The following SPIDR variants were observed in gnomAD, a reference collection of about 807,000 sequenced individuals.
The protein encoded by SPIDR is scaffold protein involved in DNA repair.
A neutral mutation model predicts 104.6 loss-of-function variants in SPIDR; 93 were observed. That is an observed-to-expected ratio of 0.89 (90% CI 0.75 to 1.06). The LOEUF (loss-of-function observed/expected upper bound fraction) is 1.06, where lower values mean the gene tolerates loss of function less well. Ranked by LOEUF, SPIDR falls within the 50% of genes least tolerant of loss-of-function variation. The pLI, the probability that SPIDR is intolerant of heterozygous loss-of-function variation, is 0.00. For synonymous variants in SPIDR, 431 were observed against 416.9 expected (o/e 1.03, Z -0.41); for missense variants, 1,154 against 1,111.2 (o/e 1.04, Z -0.55).
intron 5 of SPIDR, among the ~76,000 whole-genome samples, chr8:47,365,748 T>C (rs1554634068): frequency 6.6e-6 from 1 of 152,180 alleles, no homozygotes; most frequent in Non-Finnish European, 1.5e-5. Flanking sequence ...TGTTAATTCA[T>C]TCATGCAGAG....
intron 8 of SPIDR, among the ~76,000 whole-genome samples, chr8:47,442,652 T>C (rs2069665849): frequency 6.6e-6 from 1 of 152,250 alleles, no homozygotes; most frequent in African/African-American, 2.4e-5. Context: ...TTTTACTCCC[T>C]TGTGGAATTT....
intron 11 of SPIDR, among the ~76,000 whole-genome samples, chr8:47,674,545 A>G (rs2076185594): frequency 6.6e-6 from 1 of 152,156 alleles, no homozygotes; most frequent in African/African-American, 2.4e-5. Context: ...ATCCAGTCAT[A>G]CAGTGAATTG....
chr8:47,609,775 A>T (rs777474356), intron 10 of SPIDR, among the ~76,000 whole-genome samples: 5 of 152,170 alleles, frequency 3.3e-5, no homozygotes, highest in Non-Finnish European at 7.3e-5. Context: ...CATTTGACCC[A>T]TGTTATCATT....
chr8:47,592,676 G>A (rs1268234204), intron 8 of SPIDR: 3 of 749,702 alleles, frequency 4.0e-6, no homozygotes, highest in Non-Finnish European at 6.7e-6. Flanking sequence ...ACGAGTAGAA[G>A]TCCTCCCTCC....
Position 47,442,895 on chromosome 8 carries a change from T to C in SPIDR, c.1097+2353T>C, listed in dbSNP as rs1212523459. ...GATTATAGGCCTGAGCCACCAGGCC[T>C]GTTCCCTTCTCAACTTCTCATTTTT... On this transcript the variant is annotated intron_variant, in intron 8 of 19. Transcript: ENST00000297423. 2.0e-5 allele frequency among the ~76,000 whole-genome samples: 3 copies of C among 152,196 alleles called. No individual in the cohort carries two copies. The East Asian group carries it at 5.8e-4, about 29-fold the overall frequency.
At chr8:47,716,026 A>G (rs1467096599) in intron 16 of SPIDR, among the ~76,000 whole-genome samples, 1 of 141,134 alleles carries the variant, frequency 7.1e-6, no homozygotes, top group Non-Finnish European at 1.5e-5. Flanking sequence ...GTGCAATGGC[A>G]TGATCTCAGC....
At chr8:47,431,536 G>T (rs1033392541) in intron 7 of SPIDR, among the ~76,000 whole-genome samples, 1 of 152,190 alleles carries the variant, frequency 6.6e-6, no homozygotes, top group Admixed American at 6.5e-5. Context: ...ACAGCGACAT[G>T]CCTAGTGGGA....
intron 10 of SPIDR, among the ~76,000 whole-genome samples, chr8:47,662,206 G>A (rs569029542): frequency 2.7e-4 from 41 of 152,284 alleles, no homozygotes; most frequent in African/African-American, 9.4e-4. Flanking sequence ...AGCCAAAGAG[G>A]CAAAGAGGGT....
intron 8 of SPIDR, among the ~76,000 whole-genome samples, chr8:47,498,623 A>G (rs905577442): frequency 6.6e-6 from 1 of 152,122 alleles, no homozygotes; most frequent in African/African-American, 2.4e-5. Context: ...TATATCCTAG[A>G]TACTCTGTGC....
chr8:47,273,714 C>G (rs1232558664), intron 1 of SPIDR, among the ~76,000 whole-genome samples: 1 of 152,084 alleles, frequency 6.6e-6, no homozygotes, highest in African/African-American at 2.4e-5. Flanking sequence ...CTACCGCAGC[C>G]TCCTGAGCAG....
At chr8:47,423,856 C>A (rs143189731) in intron 7 of SPIDR, among the ~76,000 whole-genome samples, 1 of 152,106 alleles carries the variant, frequency 6.6e-6, no homozygotes, top group Non-Finnish European at 1.5e-5. Flanking sequence ...TTTATCTTCA[C>A]GAATCATTGT....
intron 10 of SPIDR, among the ~76,000 whole-genome samples, chr8:47,664,743 C>CAAAAAAAAAA (rs771963348): frequency 1.6e-5 from 1 of 63,510 alleles, no homozygotes; most frequent in African/African-American, 7.5e-5. Flanking sequence ...CCCATCTCTA[C>CAAAAAAAAAA]AAAAAAAAAA....
intron 5 of SPIDR, among the ~76,000 whole-genome samples, chr8:47,321,080 G>A (rs2046475150): frequency 1.3e-5 from 2 of 152,160 alleles, no homozygotes; most frequent in African/African-American, 4.8e-5. Flanking sequence ...CATGGTGTTG[G>A]AAGTTCTGGC....
chr8:47,303,026 T>C (rs991558096), intron 5 of SPIDR, among the ~76,000 whole-genome samples: 3 of 152,206 alleles, frequency 2.0e-5, no homozygotes, highest in African/African-American at 4.8e-5. Context: ...TTTGTTTGGT[T>C]ATGCCCTGCC....
chr8:47,428,141 C>T (rs928460871), intron 7 of SPIDR, among the ~76,000 whole-genome samples: 1 of 152,186 alleles, frequency 6.6e-6, no homozygotes, highest in African/African-American at 2.4e-5. Context: ...CCAGGCTGGT[C>T]TCGAACTTCT....
intron 7 of SPIDR, among the ~76,000 whole-genome samples, chr8:47,419,762 A>G (rs1554678422): frequency 6.6e-6 from 1 of 152,126 alleles, no homozygotes; most frequent in African/African-American, 2.4e-5. Flanking sequence ...ATTTAGTGCT[A>G]TAAATTTCCC....
intron 8 of SPIDR, among the ~76,000 whole-genome samples, chr8:47,551,133 G>A (rs1003976781): frequency 6.6e-6 from 1 of 152,142 alleles, no homozygotes; most frequent in African/African-American, 2.4e-5. Flanking sequence ...CTTGCTCGTG[G>A]TGGATAAGCT....
chr8:47,713,070 G>A lies in SPIDR; in HGVS notation c.2188+198G>A, dbSNP rs572335218. On this transcript the variant is annotated intron_variant, in intron 15 of 19. Coordinates refer to ENST00000297423, the MANE Select transcript of SPIDR (RefSeq NM_001080394.4). The stretch of plus-strand genomic sequence containing the variant: ...GCCACCTGGGCAGAACCAGCTCCAT[G>A]GAGATGCTGTGCTCACTCCAGAATT... 8.2e-6 allele frequency: 11 copies of A among 1,333,834 alleles called. No homozygotes were observed. The East Asian group carries it at 1.9e-4, about 23-fold the overall frequency. The allele number at this position is 1,333,834 out of a possible 1,614,324, so 82.6% of individuals were successfully genotyped here.
At chr8:47,389,364 T>A (rs2060300593) in intron 5 of SPIDR, among the ~76,000 whole-genome samples, 1 of 152,158 alleles carries the variant, frequency 6.6e-6, no homozygotes, top group South Asian at 2.1e-4. Context: ...TTGCGCAAAG[T>A]AATTTTTTTT....
Sources: gnomAD v4.1 joint callset for allele counts (sites outside exome capture counted in the v4.1 genomes callset) on GRCh38, gnomAD v4.1.1 for gene constraint, MANE v1.5 for transcripts, NCBI Gene and HGNC (gene_info 2026-07-23, HGNC 2026-07-21) for gene names.